RBFOX1: variants seen among roughly 807,000 people sequenced by gnomAD.
RBFOX1 encodes RNA binding fox-1 homolog 1, also known as RNA binding protein fox-1 homolog 1.
RBFOX1 carries 8 observed loss-of-function variants against 57.7 expected under a neutral mutation model. The observed-to-expected ratio is 0.14, with a 90% CI of 0.08 to 0.25. The LOEUF is 0.25. RBFOX1 is among the 10% of genes least tolerant of loss of function. RBFOX1 has a pLI of 1.00. For missense variants in RBFOX1, 611 were observed against 548.5 expected (o/e 1.11, Z -1.14); for synonymous variants, 326 against 222.4 (o/e 1.47, Z -4.15).
At chr16:7,587,607 A>T (rs547695792) in intron 7 of RBFOX1, among the ~76,000 whole-genome samples, 92 of 152,340 alleles carry the variant, frequency 6.0e-4, no homozygotes, top group Non-Finnish European at 1.1e-3. Context: ...TATGTTCTTT[A>T]TATTAAAAAG....
chr16:6,529,025 A>C (rs745668), intron 2 of RBFOX1, among the ~76,000 whole-genome samples: 4,915 of 152,246 alleles, frequency 0.032, 285 homozygotes, highest in African/African-American at 0.11. Flanking sequence ...AGAGAAACGC[A>C]TTTTACTCAA....
At chr16:6,115,553 C>A (rs1276364117) in intron 1 of RBFOX1, among the ~76,000 whole-genome samples, 1 of 151,886 alleles carries the variant, frequency 6.6e-6, no homozygotes, top group African/African-American at 2.4e-5. Context: ...GTTTTTTTTC[C>A]CCTCTGTCCT....
rs1038417259 is a variant in RBFOX1 at position 6,647,088 on chromosome 16, C to G, written c.-63-7515C>G. On this transcript the variant is annotated intron_variant, in intron 2 of 15. Transcript: ENST00000550418. ...TTCAAGATCAAGGTGCCAGCAGTGT[C>G]AGGTTCTGATGAGCACCCTCTTCCT... Among the ~76,000 whole-genome samples, 16 of 152,200 alleles carry G rather than the reference C, an allele frequency of 1.1e-4. No homozygotes were observed. In the South Asian group the frequency reaches 1.5e-3, roughly 14 times the overall value.
intron 2 of RBFOX1, among the ~76,000 whole-genome samples, chr16:6,471,225 C>T (rs1042547543): frequency 6.6e-6 from 1 of 152,136 alleles, no homozygotes; most frequent in African/African-American, 2.4e-5. Flanking sequence ...CCCTGACTAT[C>T]GAACAACCTG....
chr16:5,849,645 C>T (rs999466260), intron 3 of RBFOX1, among the ~76,000 whole-genome samples: 2 of 152,164 alleles, frequency 1.3e-5, no homozygotes, highest in Admixed American at 6.5e-5. Flanking sequence ...CGACTGCTCA[C>T]GGAGGCTGCT....
chr16:5,873,023 C>T (rs2057514296), intron 4 of RBFOX1, among the ~76,000 whole-genome samples: 1 of 151,948 alleles, frequency 6.6e-6, no homozygotes, highest in South Asian at 2.1e-4. Context: ...TGGTGGCACG[C>T]ACCTGTAGTC....
intron 12 of RBFOX1, among the ~76,000 whole-genome samples, chr16:7,654,839 C>T (rs1442377492): frequency 6.6e-6 from 1 of 152,162 alleles, no homozygotes; most frequent in East Asian, 1.9e-4. Context: ...TGGAGAGATG[C>T]TATGTCCTCT....
chr16:7,379,771 T>G (rs569859911), intron 4 of RBFOX1, among the ~76,000 whole-genome samples: 1 of 151,394 alleles, frequency 6.6e-6, no homozygotes, highest in African/African-American at 2.4e-5. Context: ...CCTGCCTTCC[T>G]GCCTTCCGTC....
downstream of RBFOX1, among the ~76,000 whole-genome samples, chr16:5,602,810 G>A (rs2047409668): frequency 6.6e-6 from 1 of 152,068 alleles, no homozygotes; most frequent in South Asian, 2.1e-4. Flanking sequence ...TAGTAATAAT[G>A]TAGTTGTAAT....
At chr16:5,738,986 A>G (rs1159154917) in intron 3 of RBFOX1, among the ~76,000 whole-genome samples, 1 of 138,934 alleles carries the variant, frequency 7.2e-6, no homozygotes, top group African/African-American at 2.5e-5. Context: ...CACTTACTCC[A>G]CACACCCCTT....
intron 1 of RBFOX1, among the ~76,000 whole-genome samples, chr16:5,409,917 G>A (rs535398436): frequency 6.6e-6 from 1 of 151,816 alleles, no homozygotes; most frequent in Non-Finnish European, 1.5e-5. Flanking sequence ...GCATCGTGGC[G>A]GACACCTGTA....
At chr16:5,621,600 A>T (rs1358756956) in intron 3 of RBFOX1, among the ~76,000 whole-genome samples, 5 of 152,158 alleles carry the variant, frequency 3.3e-5, no homozygotes, top group Admixed American at 3.3e-4. Context: ...GACTTCCCCT[A>T]CGGAAAATAC....
rs967559754 is a variant in RBFOX1, at chr16:5,746,298, A to T, written c.319-121005A>T. Among the ~76,000 whole-genome samples, 5 of 152,088 alleles carry T rather than the reference A, an allele frequency of 3.3e-5. No homozygotes were observed. The East Asian group carries it at 5.8e-4, about 18-fold the overall frequency. ...GCTGTGTTCTGTTCCATTGGTCTAT[A>T]TCTCTGTTTTTGTACCAGTACCATG... On this transcript the variant is annotated intron_variant, in intron 3 of 19. Coordinates refer to the RBFOX1 transcript ENST00000641259.
chr16:6,890,927 TCTTG>T (rs1841515315), intron 3 of RBFOX1, among the ~76,000 whole-genome samples: 2 of 152,310 alleles, frequency 1.3e-5, no homozygotes, highest in South Asian at 4.1e-4. Context: ...TTGAACAGAC[TCTTG>T]CTTGCTTGTG....
chr16:6,212,880 A>T (rs1265750396), intron 1 of RBFOX1, among the ~76,000 whole-genome samples: 1 of 152,200 alleles, frequency 6.6e-6, no homozygotes, highest in Non-Finnish European at 1.5e-5. Context: ...CCAATAGTAA[A>T]AAAAAGTCTG....
intron 3 of RBFOX1, among the ~76,000 whole-genome samples, chr16:6,980,935 C>T (rs1041969135): frequency 2.7e-5 from 4 of 149,096 alleles, no homozygotes; most frequent in Admixed American, 1.4e-4. Context: ...CCCAATTAAT[C>T]GGGAGTCTGA....
intron 1 of RBFOX1, among the ~76,000 whole-genome samples, chr16:6,155,871 C>G (rs952206260): frequency 2.0e-5 from 3 of 152,088 alleles, no homozygotes; most frequent in Non-Finnish European, 4.4e-5. Context: ...TTAATTATGT[C>G]TTTTGCTGAG....
At chr16:6,210,634 A>G (rs924886105) in intron 1 of RBFOX1, among the ~76,000 whole-genome samples, 2 of 152,010 alleles carry the variant, frequency 1.3e-5, no homozygotes, top group Admixed American at 6.6e-5. Context: ...AGCTGGGAGG[A>G]TCACTTGAAC....
intron 3 of RBFOX1, among the ~76,000 whole-genome samples, chr16:6,777,468 C>G (rs1427316884): frequency 6.6e-6 from 1 of 152,106 alleles, no homozygotes; most frequent in East Asian, 1.9e-4. Context: ...TGCATGTAAA[C>G]TCAACTTATT....
Sources: gnomAD v4.1 joint callset for allele counts (sites outside exome capture counted in the v4.1 genomes callset) on GRCh38, gnomAD v4.1.1 for gene constraint, MANE v1.5 for transcripts, NCBI Gene and HGNC (gene_info 2026-07-23, HGNC 2026-07-21) for gene names.